The following TBC1D24 variants were observed in gnomAD, a reference collection of about 807,000 sequenced individuals.
The protein encoded by TBC1D24 is Infantile myoclonic epilepsy.
A neutral mutation model predicts 50.7 loss-of-function variants in TBC1D24; 47 were observed. The ratio of observed to expected loss-of-function variants is 0.93; its 90% CI spans 0.73 to 1.18. The LOEUF (loss-of-function observed/expected upper bound fraction) is 1.18, where lower values mean the gene tolerates loss of function less well. TBC1D24 is among the 50% of genes most tolerant of loss of function. The probability of loss-of-function intolerance (pLI) is 0.00; values close to 1 mark genes in which losing one functional copy is unlikely to be tolerated. For synonymous variants in TBC1D24, 324 were observed against 335.2 expected, an observed-to-expected ratio of 0.97 and a Z score of 0.36; for missense variants, 688 against 766.5, an observed-to-expected ratio of 0.90 and a Z score of 1.21.
At position 2,499,041 on chromosome 16, in the gene TBC1D24, G is replaced by A. The variant is rs918850247; in HGVS notation, c.1143-316G>A. 4.6e-5 allele frequency among the ~76,000 whole-genome samples: 7 copies of A among 152,238 alleles called. No individual in the cohort carries two copies. Among genetic ancestry groups the A allele is most frequent in the Non-Finnish European group, 7.3e-5 (5 of 68,034 alleles). On this transcript the variant is annotated intron_variant, in intron 4 of 7. Coordinates refer to ENST00000646147, the MANE Select transcript of TBC1D24 (RefSeq NM_001199107.2). This position sits in a 1 kb window ranked among gnomAD's most constrained non-coding sequence, Gnocchi z 4.0. ...TTTGGCTCCCACATGCCTGGGCTGC[G>A]AGGATGGCCCAAACCTCCCCACCGC...
intron 1 of TBC1D24, among the ~76,000 whole-genome samples, chr16:2,488,856 C>T (rs1208942909): frequency 4.3e-5 from 6 of 138,632 alleles, no homozygotes; most frequent in Non-Finnish European, 7.7e-5. Context: ...GTCAGGAGAT[C>T]GAGACCATCC....
At position 2,499,366 on chromosome 16, in the gene TBC1D24, C is replaced by T. The variant is rs2065770996; in HGVS notation, c.1152C>T (p.Phe384=). The T allele has an allele frequency of 6.2e-7, 1 of 1,613,298 alleles. No homozygotes were observed. Among genetic ancestry groups the T allele is most frequent in the Non-Finnish European group, 8.5e-7 (1 of 1,179,752 alleles). The change falls in exon 5 of 8, where the codon TTC becomes TTT. Residue 384 remains phenylalanine (F), a synonymous_variant. Coordinates refer to ENST00000646147, the MANE Select transcript of TBC1D24 (RefSeq NM_001199107.2). This position sits in a 1 kb window ranked among gnomAD's most constrained non-coding sequence, Gnocchi z 4.0. ...CGTGTCTCTACGCCAGGTTCTACTT[C>T]CAGTGTGAAGGACATGAGCCTACCC... The part of the protein sequence containing the change: ...QHGYSLARFY[F]QCEGHEPTLL...
intron 3 of TBC1D24, among the ~76,000 whole-genome samples, chr16:2,498,015 A>C (rs547638201): frequency 2.8e-4 from 43 of 152,276 alleles, no homozygotes; most frequent in Middle Eastern, 3.4e-3. Flanking sequence ...CATTGTCCCC[A>C]TCCAAGCTGG....
At chr16:2,489,101 G>T (rs2065675607) in intron 1 of TBC1D24, among the ~76,000 whole-genome samples, 1 of 147,584 alleles carries the variant, frequency 6.8e-6, no homozygotes, top group Admixed American at 6.8e-5. Context: ...AGAAATATTT[G>T]CTTTGGAGCA....
chr16:2,500,368 G>T lies in TBC1D24; in HGVS notation c.1403G>T (p.Ser468Ile). 1 of 1,608,234 alleles carries T rather than the reference G, an allele frequency of 6.2e-7. No homozygotes were observed. Among genetic ancestry groups the T allele is most frequent in the East Asian group, 2.2e-5 (1 of 44,608 alleles). ...GCTGCCGAGCCCACCGCCCCACTCA[G>T]CCACTCCGCCTCCTCAGACCCCGCT... ...LMAAEPTAPL[S>I]HSASSDPADR... is the part of the protein sequence containing the mutation. The change falls in exon 7 of 8, where the codon AGC (serine) becomes ATC (isoleucine). Residue 468 changes from serine (S) to isoleucine (I), a missense_variant. Coordinates refer to ENST00000646147, the MANE Select transcript of TBC1D24 (RefSeq NM_001199107.2). The surrounding 1 kb of genome is among the most constrained non-coding windows in gnomAD (Gnocchi z 8.0).
chr16:2,499,626 C>G lies in TBC1D24; in HGVS notation c.1206+206C>G, dbSNP rs549275065. The stretch of plus-strand genomic sequence containing the variant: ...GAGACTATCCCCAACACAGCCCCCG[C>G]CCACCCTCATTGCCAGCCCCAAGCC... On this transcript the variant is annotated intron_variant, in intron 5 of 7. Transcript: ENST00000646147. This position sits in a 1 kb window ranked among gnomAD's most constrained non-coding sequence, Gnocchi z 4.0. 3.3e-3 allele frequency among the ~76,000 whole-genome samples: 504 copies of G among 152,282 alleles called. No individual in the cohort carries two copies. The highest frequency in any genetic ancestry group is 5.7e-3 in the Non-Finnish European group (390 of 67,988).
At chr16:2,494,737 C>CT (rs1284967286) in intron 1 of TBC1D24, among the ~76,000 whole-genome samples, 1 of 152,070 alleles carries the variant, frequency 6.6e-6, no homozygotes, top group African/African-American at 2.4e-5. Flanking sequence ...TCTGGGAACT[C>CT]TATCTCTAGC....
rs868510144 is a variant in TBC1D24 at position 2,482,466 on chromosome 16, C to A, written c.-116+7296C>A. On this transcript the variant is annotated intron_variant, in intron 1 of 7. Transcript: ENST00000646147. This position sits in a 1 kb window ranked among gnomAD's most constrained non-coding sequence, Gnocchi z 5.2. ...AGCGAAAGGGGACAGGTGTCTCCTG[C>A]CACTCTGAACAGTGACATTCCCACA... Among the ~76,000 whole-genome samples the A allele has an allele frequency of 3.9e-5, 6 of 152,320 alleles. No homozygotes were observed. The South Asian group carries it at 8.3e-4, about 21-fold the overall frequency.
At chr16:2,492,254 T>A (rs1178577620) in intron 1 of TBC1D24, among the ~76,000 whole-genome samples, 1 of 151,988 alleles carries the variant, frequency 6.6e-6, no homozygotes, top group Admixed American at 6.6e-5. Context: ...ATCCAAGGGC[T>A]CCCTCGGGTC....
Position 2,497,019 on chromosome 16 carries a change from G to T in TBC1D24, c.871G>T (p.Ala291Ser), listed in dbSNP as rs375307187. 6.2e-7 allele frequency: 1 copy of T among 1,613,710 alleles called. No homozygotes were observed. The highest frequency in any genetic ancestry group is 8.5e-7 in the Non-Finnish European group (1 of 1,180,040). ...SPEKLLEKAF[A>S]IRLFSRKEIQ... ...TGAGAAGCTGCTGGAGAAAGCGTTC[G>T]CCATCCGCCTCTTCTCCCGCAAGGA... Residue 291 changes from alanine to serine, a missense_variant, in exon 2 of 8, where the codon GCC (alanine) becomes TCC (serine). Coordinates refer to ENST00000646147, the MANE Select transcript of TBC1D24 (RefSeq NM_001199107.2).
rs1169312508 is a variant in TBC1D24 at position 2,496,607 on chromosome 16, G to C, written c.459G>C (p.Glu153Asp). The C allele has an allele frequency of 6.2e-7, 1 of 1,610,774 alleles. No homozygotes were observed. The highest frequency in any genetic ancestry group is 8.5e-7 in the Non-Finnish European group (1 of 1,180,028). ...GCATCGACGAGGCCGAGTGCTTCGA[G>C]AAGGCCTGCCGCATCCTGGCCTGCA... ...HYSIDEAECF[E>D]KACRILACND... is the part of the protein sequence containing the mutation. Residue 153 changes from glutamate to aspartate, a missense_variant, in exon 2 of 8, where the codon GAG (glutamate) becomes GAC (aspartate). Glu to Asp is a conservative substitution (Grantham distance 45, BLOSUM62 2). Coordinates refer to ENST00000646147, the MANE Select transcript of TBC1D24 (RefSeq NM_001199107.2).
chr16:2,485,698 C>T lies in TBC1D24; in HGVS notation c.-115-10336C>T, dbSNP rs2065643758. ...TCTCCAGGTAGATGTCTCCCGGTGT[C>T]GGGATTGAATTGGAGGACACCCTGC... On this transcript the variant is annotated intron_variant, in intron 1 of 7. Coordinates refer to ENST00000646147, the MANE Select transcript of TBC1D24 (RefSeq NM_001199107.2). The surrounding 1 kb of genome is among the most constrained non-coding windows in gnomAD (Gnocchi z 4.6). Among the ~76,000 whole-genome samples the T allele has an allele frequency of 6.6e-6, 1 of 152,134 alleles. No individual in the cohort carries two copies. The highest frequency in any genetic ancestry group is 2.1e-4 in the South Asian group (1 of 4,830).
At chr16:2,497,175 T>C in intron 2 of TBC1D24, 62 bp downstream of exon 2, 2 of 1,593,762 alleles carry the variant, frequency 1.3e-6, no homozygotes, top group Admixed American at 3.3e-5. Context: ...AGGACGTGTC[T>C]GGCGTGAGCT....
chr16:2,479,638 C>A (rs1026371220), intron 1 of TBC1D24: 1 of 152,228 alleles, frequency 6.6e-6, no homozygotes, highest in Non-Finnish European at 1.5e-5. Flanking sequence ...CCTATCTGCC[C>A]GTGGCCAGCA....
chr16:2,489,069 CAA>C (rs60594657), intron 1 of TBC1D24, among the ~76,000 whole-genome samples: 11 of 90,836 alleles, frequency 1.2e-4, no homozygotes, highest in African/African-American at 2.9e-4. Context: ...GACTCCTTCT[CAA>C]AAAAAAAAAA....
intron 1 of TBC1D24, chr16:2,484,537 C>G (rs934683174): frequency 6.6e-6 from 1 of 152,466 alleles, no homozygotes; most frequent in East Asian, 1.9e-4. Context: ...GTCTACAAAG[C>G]CACTTTCTGA....
Position 2,482,769 on chromosome 16 carries a change from C to T in TBC1D24, c.-116+7599C>T, listed in dbSNP as rs1435129986. ...GGACCTCAAAGAAGGATTCTAGGCT[C>T]AGGAGAGGGTGGGCTCCATTGGAGA... On this transcript the variant is annotated intron_variant, in intron 1 of 7. Coordinates refer to ENST00000646147, the MANE Select transcript of TBC1D24 (RefSeq NM_001199107.2). The surrounding 1 kb of genome is among the most constrained non-coding windows in gnomAD (Gnocchi z 5.2). Among the ~76,000 whole-genome samples, 1 of 152,144 alleles carries T rather than the reference C, an allele frequency of 6.6e-6. No homozygotes were observed. The highest frequency in any genetic ancestry group is 1.5e-5 in the Non-Finnish European group (1 of 68,028).
At chr16:2,479,660 A>G (rs561030068) in intron 1 of TBC1D24, 1 of 152,266 alleles carries the variant, frequency 6.6e-6, no homozygotes, top group South Asian at 2.1e-4. Context: ...GTGGTCCCCC[A>G]GGGCTGGCTG....
chr16:2,500,025 C>T lies in TBC1D24; in HGVS notation c.1302+95C>T, dbSNP rs1245348113. 1.3e-5 allele frequency: 15 copies of T among 1,194,674 alleles called. No homozygotes were observed. The highest frequency in any genetic ancestry group is 6.0e-5 in the African/African-American group (4 of 66,776). 74.0% of individuals were successfully genotyped at this position (1,194,674 alleles called of 1,614,324 possible). A position where few individuals can be genotyped will look rare whatever the true frequency, so the allele number is the denominator to read the frequency against. On this transcript the variant is annotated intron_variant, in intron 6 of 7. Transcript: ENST00000646147. The surrounding 1 kb of genome is among the most constrained non-coding windows in gnomAD (Gnocchi z 8.0). ...CTGCCCTGGGGACACTGTTGGGTGT[C>T]GCCATGGCAGTCACCCAGCAGCGTC... is the stretch of plus-strand genomic sequence containing the variant.
Sources: gnomAD v4.1 joint callset for allele counts (sites outside exome capture counted in the v4.1 genomes callset) on GRCh38, gnomAD v4.1.1 for gene constraint, Gnocchi (gnomAD v3.1) non-coding constraint, MANE v1.5 for transcripts, NCBI Gene and HGNC (gene_info 2026-07-23, HGNC 2026-07-21) for gene names.